DPP6: variants seen among roughly 807,000 people sequenced by gnomAD.
The protein encoded by DPP6 is A-type potassium channel modulatory protein DPP6.
DPP6 carries 69 observed loss-of-function variants against 122.6 expected under a neutral mutation model. The observed-to-expected ratio is 0.56, with a 90% CI of 0.46 to 0.69. DPP6 has a LOEUF of 0.69. Ranked by LOEUF, DPP6 falls within the 30% of genes least tolerant of loss-of-function variation. The pLI is 0.00. For missense variants in DPP6, 928 were observed against 1,116.9 expected (o/e 0.83, Z 2.41); for synonymous variants, 418 against 433.1 (o/e 0.97, Z 0.43).
chr7:154,747,798 T>G (rs1178136629), intron 8 of DPP6, among the ~76,000 whole-genome samples: 1 of 152,166 alleles, frequency 6.6e-6, no homozygotes, highest in African/African-American at 2.4e-5. Flanking sequence ...AATTCTCCAC[T>G]GACACCCTAG....
intron 20 of DPP6, among the ~76,000 whole-genome samples, chr7:154,879,587 T>C (rs1261248578): frequency 3.1e-5 from 1 of 32,442 alleles, no homozygotes; most frequent in Non-Finnish European, 4.6e-5. Flanking sequence ...AGACTCCGTC[T>C]CAAAAAAAAA....
the DPP6 span, among the ~76,000 whole-genome samples, chr7:153,797,088 G>A: frequency 8.5e-5 from 13 of 152,124 alleles, no homozygotes; most frequent in South Asian, 2.1e-4. Flanking sequence ...GGGATCTGCC[G>A]TCAGTCACAT....
the DPP6 span, among the ~76,000 whole-genome samples, chr7:153,789,840 C>T: frequency 1.3e-5 from 2 of 152,140 alleles, no homozygotes; most frequent in South Asian, 2.1e-4. Flanking sequence ...TTTAAAAGGA[C>T]GGGTGTACAT....
chr7:154,017,742 GAAAAAT>G (rs1328584729), intron 1 of DPP6, among the ~76,000 whole-genome samples: 1 of 141,842 alleles, frequency 7.1e-6, no homozygotes, highest in Non-Finnish European at 1.5e-5. Context: ...AAAAAAAAAA[GAAAAAT>G]ATAAAGAAAG....
the DPP6 span, among the ~76,000 whole-genome samples, chr7:153,875,570 C>A: frequency 6.6e-6 from 1 of 151,826 alleles, no homozygotes; most frequent in Non-Finnish European, 1.5e-5. Flanking sequence ...TCCTTATTAC[C>A]TGGAGAATTG....
chr7:154,310,858 G>T (rs957151927), intron 1 of DPP6, among the ~76,000 whole-genome samples: 3 of 152,148 alleles, frequency 2.0e-5, no homozygotes, highest in African/African-American at 7.2e-5. Flanking sequence ...GAATTGTAGC[G>T]TTATTATCTT....
chr7:154,579,513 C>T (rs776430148), intron 5 of DPP6, among the ~76,000 whole-genome samples: 1 of 152,174 alleles, frequency 6.6e-6, no homozygotes, highest in African/African-American at 2.4e-5. Context: ...TTTTAAGTTA[C>T]AAAATATTAC....
At chr7:154,344,868 A>G (rs990904032) in intron 1 of DPP6, among the ~76,000 whole-genome samples, 1 of 152,204 alleles carries the variant, frequency 6.6e-6, no homozygotes, top group Non-Finnish European at 1.5e-5. Context: ...AGCCTGGGTG[A>G]CAGAGTGAAA....
intron 1 of DPP6, among the ~76,000 whole-genome samples, chr7:154,195,830 G>A (rs1208389056): frequency 6.6e-6 from 1 of 152,158 alleles, no homozygotes; most frequent in Non-Finnish European, 1.5e-5. Flanking sequence ...GAGGACAGCA[G>A]TGTGTCCTTG....
intron 1 of DPP6, among the ~76,000 whole-genome samples, chr7:154,324,368 C>A (rs939964855): frequency 1.1e-4 from 17 of 152,194 alleles, no homozygotes; most frequent in South Asian, 2.1e-4. Flanking sequence ...CACTGCACTT[C>A]TGCCCCTTCC....
chr7:154,404,737 G>C (rs570154358), intron 1 of DPP6, among the ~76,000 whole-genome samples: 16 of 152,300 alleles, frequency 1.1e-4, no homozygotes, highest in African/African-American at 2.9e-4. Flanking sequence ...TACTTGGTAT[G>C]GCTGTAATTG....
chr7:153,775,901 C>A, the DPP6 span, among the ~76,000 whole-genome samples: 1 of 152,026 alleles, frequency 6.6e-6, no homozygotes, highest in African/African-American at 2.4e-5. Context: ...ATGTATAAAA[C>A]TGATTAAAGA....
chr7:154,857,871 G>A (rs952912078), intron 17 of DPP6, among the ~76,000 whole-genome samples: 13 of 152,310 alleles, frequency 8.5e-5, no homozygotes, highest in Middle Eastern at 3.4e-3. Flanking sequence ...GAGATCAGTT[G>A]TCCTCTTTCA....
At chr7:154,383,263 G>C (rs986156383) in intron 1 of DPP6, among the ~76,000 whole-genome samples, 2 of 152,162 alleles carry the variant, frequency 1.3e-5, no homozygotes, top group African/African-American at 4.8e-5. Flanking sequence ...AATTCCTATA[G>C]TATTTACACT....
At chr7:154,281,527 C>T (rs1563410624) in intron 1 of DPP6, among the ~76,000 whole-genome samples, 1 of 152,140 alleles carries the variant, frequency 6.6e-6, no homozygotes, top group South Asian at 2.1e-4. Flanking sequence ...TTAACACCAC[C>T]ACTGTTTGTT....
In DPP6 at chr7:154,879,872, T is replaced by TA. The variant is rs140254712; in HGVS notation, c.2079-1014dup. 7.1e-3 allele frequency among the ~76,000 whole-genome samples: 1,089 copies of TA among 152,312 alleles called. 13 individuals carry two copies. Among genetic ancestry groups the TA allele is most frequent in the African/African-American group, 0.025 (1,058 of 41,570 alleles). On this transcript the variant is annotated intron_variant, in intron 20 of 25. Coordinates refer to ENST00000377770, the MANE Select transcript of DPP6 (RefSeq NM_130797.4). The stretch of plus-strand genomic sequence containing the variant: ...AAACAGGGCCCCTACACCACTGCCT[T>TA]AAGAGGCACTGGAACTGAGGCCTCC...
chr7:153,948,392 A>C (rs1174582198), intron 1 of DPP6, among the ~76,000 whole-genome samples: 1 of 152,144 alleles, frequency 6.6e-6, no homozygotes, highest in African/African-American at 2.4e-5. Context: ...TCAATGGTAC[A>C]TGATGATGCA....
At chr7:154,139,664 C>T (rs1795747445) in intron 1 of DPP6, among the ~76,000 whole-genome samples, 1 of 151,544 alleles carries the variant, frequency 6.6e-6, no homozygotes. Flanking sequence ...TGAATGACTT[C>T]TTGGTCCCTC....
intron 1 of DPP6, among the ~76,000 whole-genome samples, chr7:154,116,831 A>AT (rs943007261): frequency 1.3e-5 from 2 of 152,192 alleles, no homozygotes; most frequent in East Asian, 1.9e-4. Context: ...GGGTAATACA[A>AT]TTTTTTTAAA....
Sources: gnomAD v4.1 joint callset for allele counts (sites outside exome capture counted in the v4.1 genomes callset) on GRCh38, gnomAD v4.1.1 for gene constraint, MANE v1.5 for transcripts, NCBI Gene and HGNC (gene_info 2026-07-23, HGNC 2026-07-21) for gene names.